The following TRIM29 variants were observed in gnomAD, a reference collection of about 807,000 sequenced individuals.
TRIM29 encodes tripartite motif containing 29.
Under a neutral mutation model 57.3 loss-of-function variants are expected in TRIM29, and 52 were observed. The ratio of observed to expected loss-of-function variants is 0.91; its 90% CI spans 0.73 to 1.14. The LOEUF (loss-of-function observed/expected upper bound fraction) is 1.14, where lower values mean the gene tolerates loss of function less well. TRIM29 is among the 50% of genes most tolerant of loss of function. The probability of loss-of-function intolerance (pLI) is 0.00; values close to 1 mark genes in which losing one functional copy is unlikely to be tolerated. For synonymous variants in TRIM29, 319 were observed against 316.9 expected (o/e 1.01, Z -0.07); for missense variants, 753 against 774.6 (o/e 0.97, Z 0.33).
At chr11:120,134,414 T>C (rs1211865666) in intron 1 of TRIM29, among the ~76,000 whole-genome samples, 1 of 152,182 alleles carries the variant, frequency 6.6e-6, no homozygotes, top group Non-Finnish European at 1.5e-5. Flanking sequence ...CAAACAGCTA[T>C]GCGTGGGCTG....
At chr11:120,136,552 G>A (rs953596194) in intron 1 of TRIM29, among the ~76,000 whole-genome samples, 2 of 152,172 alleles carry the variant, frequency 1.3e-5, no homozygotes, top group Non-Finnish European at 2.9e-5. Context: ...AACCACACAC[G>A]CAAAACACAG....
chr11:120,122,322 G>A (rs983662718), intron 5 of TRIM29, among the ~76,000 whole-genome samples: 9 of 152,042 alleles, frequency 5.9e-5, no homozygotes, highest in Non-Finnish European at 8.8e-5. Context: ...CTTATGTAAC[G>A]GGTATTGCTG....
chr11:120,125,617 A>T, intron 4 of TRIM29, 74 bp downstream of exon 4: 1 of 1,542,454 alleles, frequency 6.5e-7, no homozygotes, highest in Non-Finnish European at 8.9e-7. Flanking sequence ...AGGCCAGCCC[A>T]TGTCAGGCAG....
chr11:120,116,865 G>C, intron 7 of TRIM29: 1 of 291,962 alleles, frequency 3.4e-6, no homozygotes, highest in South Asian at 2.8e-5. Context: ...GGGGAGAAGG[G>C]ACCGGCACAC....
At position 120,112,433 on chromosome 11, in the gene TRIM29, C is replaced by G; in HGVS notation, c.1748G>C (p.Gly583Ala). Residue 583 changes from glycine to alanine, a missense_variant, in exon 9 of 9, where the codon GGG (glycine) becomes GCG (alanine). Transcript: ENST00000341846. ...PFYVNKGNGI[G>A]SNEAP ...AGGAGCTCATGGGGCTTCGTTGGAC[C>G]CAATCCCGTTGCCTTTGTTGACGTA... 2 of 1,613,448 alleles carry G rather than the reference C, an allele frequency of 1.2e-6. No homozygotes were observed. The highest frequency in any genetic ancestry group is 1.7e-6 in the Non-Finnish European group (2 of 1,179,760).
chr11:120,124,258 GTTTCT>G (rs1199090125), intron 4 of TRIM29: 3 of 152,684 alleles, frequency 2.0e-5, no homozygotes, highest in Non-Finnish European at 4.4e-5. Flanking sequence ...AGCCTGAACA[GTTTCT>G]GCAAGGCTCA....
chr11:120,134,679 C>T (rs1863784145), intron 1 of TRIM29, among the ~76,000 whole-genome samples: 1 of 152,238 alleles, frequency 6.6e-6, no homozygotes, highest in African/African-American at 2.4e-5. Flanking sequence ...CTCCCACCAT[C>T]ACAGTCACTT....
chr11:120,112,574 TCCAAGA>T, intron 8 of TRIM29, 98 bp from the exon 9 acceptor site: 2 of 1,319,722 alleles, frequency 1.5e-6, no homozygotes, highest in Admixed American at 3.9e-5. Flanking sequence ...GCAGCAGTGA[TCCAAGA>T]CCCGACAATT....
chr11:120,115,401 G>T lies in TRIM29; in HGVS notation c.1641C>A (p.Leu547=). The T allele has an allele frequency of 6.2e-7, 1 of 1,613,888 alleles. No individual in the cohort carries two copies. The highest frequency in any genetic ancestry group is 8.5e-7 in the Non-Finnish European group (1 of 1,179,946). The stretch of plus-strand genomic sequence containing the variant: ...GGGCCTTGGGGCTTTGGCTCCGCAT[G>T]AGGGAGGGATAGCCTGGGAAGACAA... The part of the protein sequence containing the change: ...SSFSLKGYPS[L]MRSQSPKAQP... The change falls in exon 8 of 9, where the codon CTC becomes CTA. Residue 547 remains leucine, a synonymous_variant. Transcript: ENST00000341846.
chr11:120,129,199 G>A (rs1863667973), intron 1 of TRIM29, among the ~76,000 whole-genome samples: 2 of 152,134 alleles, frequency 1.3e-5, no homozygotes, highest in South Asian at 2.1e-4. Flanking sequence ...GGTGGTTTAG[G>A]AAGAGGTTGT....
At chr11:120,123,679 A>C in intron 4 of TRIM29, 3 of 344,494 alleles carry the variant, frequency 8.7e-6, no homozygotes, top group East Asian at 1.5e-4. Context: ...TCCCTCAGCC[A>C]CCTCCACCCC....
intron 4 of TRIM29, chr11:120,125,469 T>C (rs1326238382): frequency 1.8e-6 from 1 of 564,468 alleles, no homozygotes; most frequent in Non-Finnish European, 3.1e-6. Context: ...GTCCCTGCTC[T>C]GGAGGTCTCT....
chr11:120,120,954 C>T, intron 5 of TRIM29: 1 of 482,646 alleles, frequency 2.1e-6, no homozygotes, highest in Non-Finnish European at 3.9e-6. Flanking sequence ...AGGGTGGGGC[C>T]TCCTGGAAGT....
chr11:120,126,488 C>A (rs1474706734), intron 3 of TRIM29: 1 of 152,840 alleles, frequency 6.5e-6, no homozygotes, highest in African/African-American at 2.4e-5. Context: ...AGGTGATCCA[C>A]CTACCTTGGC....
At position 120,137,559 on chromosome 11, in the gene TRIM29, G is replaced by T. The variant is rs776374130; in HGVS notation, c.473C>A (p.Thr158Lys). 6.2e-7 allele frequency: 1 copy of T among 1,611,072 alleles called. No homozygotes were observed. Among genetic ancestry groups the T allele is most frequent in the East Asian group, 2.2e-5 (1 of 44,826 alleles). The change falls in exon 1 of 9, where the codon ACG (threonine) becomes AAG (lysine). Residue 158 changes from threonine (T) to lysine (K), a missense_variant. Thr to Lys is a moderately conservative substitution (Grantham distance 78). Transcript: ENST00000341846. This position sits in a 1 kb window ranked among gnomAD's most constrained non-coding sequence, Gnocchi z 6.2. ...GGACTTGGACCGTGAAAAAAGGCCC[G>T]TGTCGGCCCGGGGGTAGCTGTTCCG... The part of the protein sequence containing the change: ...TRRNSYPRAD[T>K]GLFSRSKSGS...
intron 7 of TRIM29, chr11:120,115,637 A>C (rs1156356054): frequency 1.3e-5 from 7 of 557,084 alleles, no homozygotes; most frequent in Non-Finnish European, 2.3e-5. Context: ...CAGAAGGAGG[A>C]GGAGCCGGCC....
intron 8 of TRIM29, among the ~76,000 whole-genome samples, chr11:120,112,782 G>T (rs759471651): frequency 6.6e-6 from 1 of 152,266 alleles, no homozygotes; most frequent in Non-Finnish European, 1.5e-5. Context: ...TTCCTCCAGC[G>T]CCACCACAGC....
chr11:120,123,237 C>T (rs1863506259), intron 4 of TRIM29, 182 bp from the exon 5 acceptor site: 1 of 700,232 alleles, frequency 1.4e-6, no homozygotes, highest in South Asian at 1.5e-5. Context: ...GGTTCCTGAG[C>T]TCTTGGTGGA....
At chr11:120,118,816 G>A (rs1027776875) in intron 6 of TRIM29, 1 of 154,200 alleles carries the variant, frequency 6.5e-6, no homozygotes, top group Admixed American at 6.4e-5. Context: ...GTCTTCAAGT[G>A]TCAGCTTACA....
Sources: gnomAD v4.1 joint callset for allele counts (sites outside exome capture counted in the v4.1 genomes callset) on GRCh38, gnomAD v4.1.1 for gene constraint, Gnocchi (gnomAD v3.1) non-coding constraint, MANE v1.5 for transcripts, NCBI Gene and HGNC (gene_info 2026-07-23, HGNC 2026-07-21) for gene names.